Variants in SOS1 observed in about 807,000 individuals in gnomAD.
SOS1 encodes the protein son of sevenless homolog 1.
Under a neutral mutation model 157.6 loss-of-function variants are expected in SOS1, and 25 were observed. That is an observed-to-expected ratio of 0.16 (90% CI 0.12 to 0.22). The LOEUF is 0.22. Ranked by LOEUF, SOS1 falls within the 10% of genes least tolerant of loss-of-function variation. SOS1 has a pLI of 1.00. For missense variants in SOS1, 1,237 were observed against 1,599.1 expected (o/e 0.77, Z 3.86); for synonymous variants, 528 against 534.0 (o/e 0.99, Z 0.16).
intron 1 of SOS1, among the ~76,000 whole-genome samples, chr2:39,083,963 A>G (rs1374039507): frequency 2.0e-5 from 3 of 152,294 alleles, no homozygotes; most frequent in Non-Finnish European, 4.4e-5. Flanking sequence ...AGTTAAAATG[A>G]GGTCATTAGG....
intron 1 of SOS1, among the ~76,000 whole-genome samples, chr2:39,105,572 T>C (rs1673139045): frequency 6.6e-6 from 1 of 152,200 alleles, no homozygotes; most frequent in South Asian, 2.1e-4. Flanking sequence ...ATGCTTGCCA[T>C]ACAAATAGTG....
intron 8 of SOS1, among the ~76,000 whole-genome samples, chr2:39,032,618 CA>C (rs1181154932): frequency 6.6e-6 from 1 of 152,010 alleles, no homozygotes; most frequent in Non-Finnish European, 1.5e-5. Context: ...AATGATAAGG[CA>C]GACAATAAAA....
chr2:39,051,562 CTT>C (rs1671017509), intron 5 of SOS1, among the ~76,000 whole-genome samples: 1 of 152,040 alleles, frequency 6.6e-6, no homozygotes, highest in Non-Finnish European at 1.5e-5. Context: ...TTCTAAAAAC[CTT>C]TTGTTTATAA....
chr2:39,017,226 C>T (rs1185540902), intron 10 of SOS1, among the ~76,000 whole-genome samples: 1 of 151,974 alleles, frequency 6.6e-6, no homozygotes, highest in Non-Finnish European at 1.5e-5. Flanking sequence ...TCTATCATAT[C>T]GTATAACCTC....
At chr2:39,015,214 G>T (rs1465156709) in intron 10 of SOS1, among the ~76,000 whole-genome samples, 2 of 151,528 alleles carry the variant, frequency 1.3e-5, no homozygotes, top group Admixed American at 6.6e-5. Context: ...AAAGAGAAAG[G>T]CCACAGCAAT....
intron 1 of SOS1, among the ~76,000 whole-genome samples, chr2:39,093,279 A>C (rs968434850): frequency 6.6e-5 from 10 of 152,186 alleles, no homozygotes; most frequent in Non-Finnish European, 1.2e-4. Context: ...ATGATCATCT[A>C]TGTGGTTAGT....
At chr2:39,047,793 G>C (rs932044522) in intron 6 of SOS1, among the ~76,000 whole-genome samples, 1 of 151,030 alleles carries the variant, frequency 6.6e-6, no homozygotes, top group African/African-American at 2.4e-5. Context: ...TCAGATTCTC[G>C]AGTAACCGGG....
At position 39,057,011 on chromosome 2, in the gene SOS1, T is replaced by A. The variant is rs184356893; in HGVS notation, c.346-145A>T. 154 of 672,366 alleles carry A rather than the reference T, an allele frequency of 2.3e-4. No individual in the cohort carries two copies. In the African/African-American group the frequency reaches 2.7e-3, roughly 12 times the overall value. 41.7% of individuals were successfully genotyped at this position (672,366 alleles called of 1,614,324 possible). On this transcript the variant is annotated intron_variant, in intron 3 of 22. Transcript: ENST00000402219. ...ACCAACAACATTTAATTGTAAGTGGTTCAACAATGAATAATATATGTATTA... is the reference window on the plus strand; with the variant it reads ...ACCAACAACATTTAATTGTAAGTGGATCAACAATGAATAATATATGTATTA...
At chr2:39,086,210 G>A (rs958448743) in intron 1 of SOS1, among the ~76,000 whole-genome samples, 3 of 152,212 alleles carry the variant, frequency 2.0e-5, no homozygotes, top group African/African-American at 7.2e-5. Flanking sequence ...GCTGAAGGGT[G>A]AGCAGAATTT....
intron 10 of SOS1, among the ~76,000 whole-genome samples, chr2:39,021,922 C>T (rs1353780197): frequency 2.0e-5 from 3 of 151,682 alleles, no homozygotes; most frequent in Admixed American, 2.0e-4. Context: ...CAAAAAACAG[C>T]TTTATATGGA....
chr2:38,987,326 T>C, intron 22 of SOS1, 147 bp downstream of exon 22: 5 of 657,556 alleles, frequency 7.6e-6, no homozygotes, highest in Non-Finnish European at 1.4e-5. Context: ...TACTGCATGC[T>C]AAATCTATAT....
At chr2:39,015,988 A>G (rs10184015) in intron 10 of SOS1, among the ~76,000 whole-genome samples, 119,110 of 151,532 alleles carry the variant, frequency 0.79, 49,571 homozygotes, top group Non-Finnish European at 0.92. Flanking sequence ...AAGAAGCACA[A>G]TGTCTTTTAT....
intron 6 of SOS1, among the ~76,000 whole-genome samples, chr2:39,048,557 T>G (rs547694382): frequency 1.3e-5 from 2 of 151,942 alleles, no homozygotes; most frequent in Non-Finnish European, 2.9e-5. Context: ...CCCACCACCA[T>G]GCCTCGCTAA....
chr2:39,010,477 ATG>A, intron 15 of SOS1, 105 bp downstream of exon 15: 1 of 1,017,742 alleles, frequency 9.8e-7, no homozygotes, highest in Non-Finnish European at 1.5e-6. Flanking sequence ...ACTCCAGCCT[ATG>A]TGACAGAGCA....
chr2:39,041,714 CATTT>C (rs1194335411), intron 6 of SOS1, among the ~76,000 whole-genome samples: 2 of 152,168 alleles, frequency 1.3e-5, no homozygotes, highest in Admixed American at 6.5e-5. Context: ...CAACTTCATT[CATTT>C]GTGCTTCCCT....
rs730881043 is a variant in SOS1 at position 39,023,043 on chromosome 2, A to T, written c.1385T>A (p.Phe462Tyr). The T allele has an allele frequency of 3.7e-6, 6 of 1,613,584 alleles. No homozygotes were observed. The Admixed American group carries it at 5.0e-5, about 13-fold the overall frequency. ...GCAAATCATTAAGCCATCAAAGAGA[A>T]ATATGTGTCTCTCATGTTTGGCTCC... Reference protein sequence around the residue: ...RVGAKHERHIFLFDGLMICCK... With the variant: ...RVGAKHERHIYLFDGLMICCK... Residue 462 changes from phenylalanine to tyrosine, a missense_variant, in exon 10 of 23, where the codon TTT becomes TAT. Phe to Tyr is a conservative substitution (Grantham distance 22, BLOSUM62 3). Coordinates refer to ENST00000402219, the MANE Select transcript of SOS1 (RefSeq NM_005633.4).
At chr2:38,998,668 A>G (rs956030666) in intron 17 of SOS1, among the ~76,000 whole-genome samples, 2 of 152,184 alleles carry the variant, frequency 1.3e-5, no homozygotes, top group Non-Finnish European at 2.9e-5. Context: ...TATATGTATG[A>G]GCTTAGAATA....
At chr2:39,076,017 T>C (rs1299248718) in intron 1 of SOS1, among the ~76,000 whole-genome samples, 3 of 152,180 alleles carry the variant, frequency 2.0e-5, no homozygotes, top group African/African-American at 7.2e-5. Context: ...TCCAACCTTA[T>C]ACAATGTGTG....
chr2:39,123,509 C>T (rs1476825268), upstream of SOS1, among the ~76,000 whole-genome samples: 4 of 152,094 alleles, frequency 2.6e-5, no homozygotes, highest in South Asian at 4.1e-4. Flanking sequence ...AGGCGCACGC[C>T]ACCAAGCCCG....
Sources: allele counts gnomAD v4.1 joint callset (sites outside exome capture counted in the v4.1 genomes callset), GRCh38; gene constraint gnomAD v4.1.1; transcripts MANE v1.5; gene names NCBI Gene and HGNC (gene_info 2026-07-23, HGNC 2026-07-21).